Variants in MRPS21 observed in about 807,000 individuals in gnomAD.
MRPS21 encodes the protein small ribosomal subunit protein bS21m.
In MRPS21, 8 loss-of-function variants were observed where a neutral mutation model predicts 9.9. The ratio of observed to expected loss-of-function variants is 0.81; its 90% confidence interval spans 0.47 to 1.45. The LOEUF (loss-of-function observed/expected upper bound fraction) is 1.45. MRPS21 is among the 40% of genes most tolerant of loss of function. The pLI, the probability that MRPS21 is intolerant of heterozygous loss-of-function variation, is 0.00. For synonymous variants in MRPS21, 40 were observed against 40.3 expected (o/e 0.99, Z 0.03); for missense variants, 101 against 118.9 (o/e 0.85, Z 0.70).
chr1:150,295,744 C>T (rs1229679479), intron 2 of MRPS21, among the ~76,000 whole-genome samples: 1 of 151,378 alleles, frequency 6.6e-6, no homozygotes, highest in Non-Finnish European at 1.5e-5. Flanking sequence ...CAAGACCAAT[C>T]TGGTAAACAT....
intron 2 of MRPS21, among the ~76,000 whole-genome samples, chr1:150,295,999 T>C (rs1653903256): frequency 6.6e-6 from 1 of 150,416 alleles, no homozygotes; most frequent in Non-Finnish European, 1.5e-5. Flanking sequence ...GTTGCCAGGC[T>C]GGAGCGCAGT....
Position 150,308,181 on chromosome 1 carries a change from A to G in MRPS21, c.217A>G (p.Asn73Asp). The G allele has an allele frequency of 1.2e-6, 2 of 1,606,414 alleles. No individual in the cohort carries two copies. The highest frequency in any genetic ancestry group is 1.7e-6 in the Non-Finnish European group (2 of 1,173,476). ...IYNMEMARKINFLMRKNRADP... is the reference protein window; with the variant it reads ...IYNMEMARKIDFLMRKNRADP... ...CAACATGGAAATGGCTCGCAAGATC[A>G]ACTTCTTGATGCGAAAGAATCGGGC... is the stretch of plus-strand genomic sequence containing the variant. The change falls in exon 3 of 3, where the codon AAC (asparagine) becomes GAC (aspartate). Residue 73 changes from asparagine (N) to aspartate (D), a missense_variant. By Grantham distance (23) the Asn-to-Asp change is conservative. Transcript: ENST00000614145.
rs1653931334 is a variant in MRPS21 at position 150,296,886 on chromosome 1, TA to T, written c.83+2438del. Among the ~76,000 whole-genome samples, 6 of 151,900 alleles carry T rather than the reference TA, an allele frequency of 3.9e-5. No homozygotes were observed. In the South Asian group the frequency reaches 1.0e-3, roughly 26 times the overall value. ...GAATCCTCATCTGATTGGGTTTAAATATTGGTAGGGTTCTTGAGGACTGAGA... is the reference window on the plus strand; with the variant it reads ...GAATCCTCATCTGATTGGGTTTAAATTTGGTAGGGTTCTTGAGGACTGAGA... On this transcript the variant is annotated intron_variant, in intron 2 of 2. Coordinates refer to ENST00000614145, the MANE Select transcript of MRPS21 (RefSeq NM_031901.6).
Position 150,294,451 on chromosome 1 carries a change from T to C in MRPS21, c.83+2T>C. On this transcript the variant is annotated splice_donor_variant, in intron 2 of 2. Transcript: ENST00000614145. LOFTEE classifies it high-confidence loss of function. ...AAGCGCATACAGGACCCTAAACAGGTAACTGTTAAGGGACCAGAATCATGC... is the reference window on the plus strand; with the variant it reads ...AAGCGCATACAGGACCCTAAACAGGCAACTGTTAAGGGACCAGAATCATGC... The C allele has an allele frequency of 1.2e-6, 2 of 1,609,862 alleles. No individual in the cohort carries two copies. Among genetic ancestry groups the C allele is most frequent in the Non-Finnish European group, 1.7e-6 (2 of 1,176,374 alleles).
chr1:150,307,985 A>T, intron 2 of MRPS21, 63 bp from the exon 3 acceptor site: 1 of 1,415,124 alleles, frequency 7.1e-7, no homozygotes, highest in Non-Finnish European at 9.5e-7. Flanking sequence ...ACTTCTATTT[A>T]TGAAACTGGA....
intron 2 of MRPS21, among the ~76,000 whole-genome samples, chr1:150,303,463 T>C (rs1553857982): frequency 6.6e-6 from 1 of 152,222 alleles, no homozygotes; most frequent in African/African-American, 2.4e-5. Flanking sequence ...TTCCATTTCC[T>C]CTTTACTCTG....
intron 2 of MRPS21, among the ~76,000 whole-genome samples, chr1:150,298,141 C>G (rs1653983536): frequency 6.6e-6 from 1 of 152,160 alleles, no homozygotes; most frequent in Admixed American, 6.5e-5. Context: ...CCAGGTTAGT[C>G]AGGCTGGTCT....
intron 2 of MRPS21, chr1:150,303,794 T>G: frequency 2.4e-6 from 1 of 415,406 alleles, no homozygotes; most frequent in Non-Finnish European, 4.9e-6. Context: ...TGAGGCTTTC[T>G]GAGCTATATC....
At chr1:150,301,033 A>G (rs1378685068) in intron 2 of MRPS21, among the ~76,000 whole-genome samples, 2 of 151,780 alleles carry the variant, frequency 1.3e-5, no homozygotes, top group African/African-American at 4.8e-5. Flanking sequence ...CCCTGTCTCT[A>G]CTAAAAAAAA....
chr1:150,302,294 C>T (rs1654166513), intron 2 of MRPS21, among the ~76,000 whole-genome samples: 1 of 152,144 alleles, frequency 6.6e-6, no homozygotes, highest in South Asian at 2.1e-4. Flanking sequence ...GAGGCCACCA[C>T]AAAATGCCTG....
At chr1:150,297,050 G>A (rs587598690) in intron 2 of MRPS21, among the ~76,000 whole-genome samples, 43 of 152,204 alleles carry the variant, frequency 2.8e-4, no homozygotes, top group African/African-American at 1.0e-3. Context: ...CCAGCACTTT[G>A]GGAGGCCAAG....
At chr1:150,294,077 CCTT>C (rs1407646003) in intron 1 of MRPS21, 179 bp downstream of exon 1, 3 of 360,454 alleles carry the variant, frequency 8.3e-6, no homozygotes, top group South Asian at 2.5e-5. Flanking sequence ...TCGCTCGTGT[CCTT>C]CTCATGCCCG....
At chr1:150,295,121 G>C (rs587672487) in intron 2 of MRPS21, among the ~76,000 whole-genome samples, 2 of 150,082 alleles carry the variant, frequency 1.3e-5, no homozygotes, top group Admixed American at 6.7e-5. Flanking sequence ...TCAGCCTCCT[G>C]AGCAGCCAGT....
chr1:150,298,638 G>A (rs1340928343), intron 2 of MRPS21, among the ~76,000 whole-genome samples: 3 of 152,072 alleles, frequency 2.0e-5, no homozygotes, highest in African/African-American at 7.2e-5. Context: ...GTCTCCCTCT[G>A]TCGCCCAGGC....
At chr1:150,304,211 T>G in intron 2 of MRPS21, 1 of 322,926 alleles carries the variant, frequency 3.1e-6, no homozygotes, top group Admixed American at 3.7e-5. Flanking sequence ...CTCAGGAGGC[T>G]GAGGCGGGAG....
At chr1:150,305,290 C>T (rs1359304055) in intron 2 of MRPS21, among the ~76,000 whole-genome samples, 8 of 152,022 alleles carry the variant, frequency 5.3e-5, no homozygotes, top group Non-Finnish European at 7.4e-5. Flanking sequence ...CCTCCCAGCT[C>T]GGCCTCCCAA....
At position 150,308,924 on chromosome 1, in the gene MRPS21, A is replaced by G. The variant is rs1033178201; in HGVS notation, c.*696A>G. 1.9e-5 allele frequency: 3 copies of G among 154,736 alleles called. No homozygotes were observed. The highest frequency in any genetic ancestry group is 4.4e-5 in the Non-Finnish European group (3 of 68,212). 9.6% of individuals were successfully genotyped at this position (154,736 alleles called of 1,614,324 possible). A position where few individuals can be genotyped will look rare whatever the true frequency, so the allele number is the denominator to read the frequency against. Reference sequence around the variant, plus strand: ...TTAATGCCACTGAACTATACCCTTAAATGGTCACGATGGTAAATTTTGTGT... The same window carrying G: ...TTAATGCCACTGAACTATACCCTTAGATGGTCACGATGGTAAATTTTGTGT... On this transcript the variant is annotated 3_prime_UTR_variant, in exon 3 of 3. Coordinates refer to ENST00000614145, the MANE Select transcript of MRPS21 (RefSeq NM_031901.6).
At chr1:150,305,797 G>C (rs1265990452) in intron 2 of MRPS21, among the ~76,000 whole-genome samples, 1 of 152,104 alleles carries the variant, frequency 6.6e-6, no homozygotes, top group Non-Finnish European at 1.5e-5. Context: ...GTTTCACCAT[G>C]TTGGCCAGGC....
intron 2 of MRPS21, among the ~76,000 whole-genome samples, chr1:150,301,503 A>C (rs587640076): frequency 6.6e-6 from 1 of 152,260 alleles, no homozygotes; most frequent in Non-Finnish European, 1.5e-5. Flanking sequence ...ACTTCGTCTC[A>C]AAAAAGGAAA....
Sources: gnomAD v4.1 joint callset for allele counts (sites outside exome capture counted in the v4.1 genomes callset) on GRCh38, gnomAD v4.1.1 for gene constraint, MANE v1.5 for transcripts, NCBI Gene and HGNC (gene_info 2026-07-23, HGNC 2026-07-21) for gene names.